Variants in PDE8A observed in about 807,000 individuals in gnomAD.
PDE8A encodes phosphodiesterase 8A.
In PDE8A, 59 loss-of-function variants were observed where a neutral mutation model predicts 105.0. That is an observed-to-expected ratio of 0.56 (90% CI 0.46 to 0.70). The LOEUF (loss-of-function observed/expected upper bound fraction) is 0.70, where lower values mean the gene tolerates loss of function less well. PDE8A is among the 30% of genes least tolerant of loss of function. The pLI is 0.00. For synonymous variants in PDE8A, 355 were observed against 371.9 expected (o/e 0.95, Z 0.52); for missense variants, 1,014 against 1,045.9 (o/e 0.97, Z 0.42).
chr15:85,064,505 T>A, intron 2 of PDE8A, 79 bp downstream of exon 2: 2 of 871,498 alleles, frequency 2.3e-6, no homozygotes, highest in Non-Finnish European at 3.8e-6. Context: ...TTTACACATT[T>A]AAAATAGTCT....
chr15:85,093,860 ATCTTTTTTTTTTT>A (rs1050976181), intron 8 of PDE8A, among the ~76,000 whole-genome samples: 1 of 141,052 alleles, frequency 7.1e-6, no homozygotes, highest in African/African-American at 2.8e-5. Flanking sequence ...TCTTTTAGAG[ATCTTTTTTTTTTT>A]TCTTGAGACA....
intron 1 of PDE8A, among the ~76,000 whole-genome samples, chr15:84,986,175 C>G (rs1047804064): frequency 6.6e-6 from 1 of 152,018 alleles, no homozygotes; most frequent in Non-Finnish European, 1.5e-5. Context: ...TGCTGTGAGC[C>G]GAGAGTGCGT....
Position 85,067,089 on chromosome 15 carries a change from T to A in PDE8A, c.319T>A (p.Cys107Ser). The change falls in exon 3 of 22, where the codon TGT (cysteine) becomes AGT (serine). Residue 107 changes from cysteine (C) to serine (S), a missense_variant. Physicochemically the swap from Cys to Ser is moderately radical, Grantham distance 112. Coordinates refer to ENST00000394553, the MANE Select transcript of PDE8A (RefSeq NM_002605.3). ...GGCATGTGAAAAAGCAGGGTTTAAG[T>A]GTACAGTTACCAAGGAGGCTCAGGC... is the stretch of plus-strand genomic sequence containing the variant. ...CRACEKAGFK[C>S]TVTKEAQAVL... 6.2e-7 allele frequency: 1 copy of A among 1,613,858 alleles called. No individual in the cohort carries two copies. The highest frequency in any genetic ancestry group is 8.5e-7 in the Non-Finnish European group (1 of 1,179,738).
At chr15:85,028,720 T>A (rs922363741) in intron 1 of PDE8A, among the ~76,000 whole-genome samples, 2 of 152,122 alleles carry the variant, frequency 1.3e-5, no homozygotes, top group Non-Finnish European at 2.9e-5. Context: ...GCCTGTTTTT[T>A]AATCCTCATC....
intron 1 of PDE8A, among the ~76,000 whole-genome samples, chr15:85,002,516 C>G (rs1184371939): frequency 1.3e-5 from 2 of 152,170 alleles, no homozygotes; most frequent in Non-Finnish European, 2.9e-5. Context: ...CTGAACACAT[C>G]TTTCTGGATT....
At chr15:84,986,713 G>GT (rs1481946001) in intron 1 of PDE8A, among the ~76,000 whole-genome samples, 1 of 151,776 alleles carries the variant, frequency 6.6e-6, no homozygotes, top group Non-Finnish European at 1.5e-5. Context: ...CTGGGCTCAA[G>GT]TGATCCCCCC....
At chr15:85,054,300 C>T (rs1379716378) in intron 1 of PDE8A, among the ~76,000 whole-genome samples, 9 of 152,098 alleles carry the variant, frequency 5.9e-5, no homozygotes, top group Non-Finnish European at 1.0e-4. Flanking sequence ...TGTGTCTCTG[C>T]CAGGCTTTGG....
chr15:85,118,668 C>T (rs1381281602), intron 17 of PDE8A, among the ~76,000 whole-genome samples: 1 of 152,246 alleles, frequency 6.6e-6, no homozygotes, highest in Admixed American at 6.5e-5. Flanking sequence ...TCCTTTGTCC[C>T]AGTCACAGGC....
intron 6 of PDE8A, among the ~76,000 whole-genome samples, chr15:85,088,518 G>A (rs1450056826): frequency 6.6e-6 from 1 of 152,172 alleles, no homozygotes; most frequent in Non-Finnish European, 1.5e-5. Context: ...TCAGTTGATG[G>A]ACATTTGGGT....
chr15:85,027,522 T>G (rs2080538413), intron 1 of PDE8A, among the ~76,000 whole-genome samples: 1 of 152,230 alleles, frequency 6.6e-6, no homozygotes, highest in African/African-American at 2.4e-5. Flanking sequence ...ACAATCTGCC[T>G]TCCTCCCCTT....
chr15:85,095,247 G>A (rs990470024), intron 8 of PDE8A, among the ~76,000 whole-genome samples: 2 of 152,116 alleles, frequency 1.3e-5, no homozygotes, highest in Non-Finnish European at 2.9e-5. Context: ...TTACTGTTAT[G>A]TCAGGACTTT....
At chr15:85,050,527 G>A (rs1464048030) in intron 1 of PDE8A, among the ~76,000 whole-genome samples, 8 of 152,004 alleles carry the variant, frequency 5.3e-5, no homozygotes, top group African/African-American at 1.9e-4. Flanking sequence ...TCATTCTTTG[G>A]ATGTGGTTAT....
chr15:84,991,373 A>G (rs1244526619), intron 1 of PDE8A, among the ~76,000 whole-genome samples: 1 of 152,258 alleles, frequency 6.6e-6, no homozygotes, highest in Non-Finnish European at 1.5e-5. Context: ...GCTAATAACT[A>G]TATGAAAAGG....
intron 1 of PDE8A, among the ~76,000 whole-genome samples, chr15:85,028,597 TG>T (rs1280177469): frequency 1.3e-5 from 2 of 152,198 alleles, no homozygotes; most frequent in African/African-American, 4.8e-5. Flanking sequence ...CCTACAAAAG[TG>T]TTATCTATTC....
chr15:84,987,823 G>A (rs2079828118), intron 1 of PDE8A, among the ~76,000 whole-genome samples: 2 of 152,140 alleles, frequency 1.3e-5, no homozygotes, highest in Admixed American at 6.5e-5. Flanking sequence ...TGAGGACACA[G>A]GGTGAGGCAG....
At chr15:85,047,986 C>T (rs1238974682) in intron 1 of PDE8A, among the ~76,000 whole-genome samples, 1 of 152,118 alleles carries the variant, frequency 6.6e-6, no homozygotes, top group Non-Finnish European at 1.5e-5. Context: ...GATTTGAAAG[C>T]TTAGTGTACT....
chr15:85,026,998 C>T lies in PDE8A; in HGVS notation c.187-37372C>T, dbSNP rs548156924. Among the ~76,000 whole-genome samples the T allele has an allele frequency of 2.6e-5, 4 of 152,196 alleles. No homozygotes were observed. The South Asian group carries it at 8.3e-4, about 32-fold the overall frequency. On this transcript the variant is annotated intron_variant, in intron 1 of 21. Transcript: ENST00000394553. ...AACATCTAATTTGGTTTATGAACAC[C>T]AAATTTTATCTCTTAATACCTCAGT...
chr15:85,001,341 T>C (rs368013305), intron 1 of PDE8A, among the ~76,000 whole-genome samples: 129 of 152,052 alleles, frequency 8.5e-4, no homozygotes, highest in Middle Eastern at 3.4e-3. Context: ...AAATGCCCCC[T>C]TTTTTTTGTA....
intron 1 of PDE8A, among the ~76,000 whole-genome samples, chr15:85,004,681 A>C (rs2080117652): frequency 6.6e-6 from 1 of 152,172 alleles, no homozygotes; most frequent in Non-Finnish European, 1.5e-5. Context: ...GGAGAGAGAA[A>C]GGATACAATC....
Sources: gnomAD v4.1 joint callset for allele counts (sites outside exome capture counted in the v4.1 genomes callset) on GRCh38, gnomAD v4.1.1 for gene constraint, MANE v1.5 for transcripts, NCBI Gene and HGNC (gene_info 2026-07-23, HGNC 2026-07-21) for gene names.